The following ABCB11 variants were observed in gnomAD, a reference collection of about 807,000 sequenced individuals.
ABCB11 encodes the protein bile salt export pump.
Under a neutral mutation model 148.0 loss-of-function variants are expected in ABCB11, and 95 were observed. That is an observed-to-expected ratio of 0.64 (90% CI 0.54 to 0.76). ABCB11 has a LOEUF of 0.76. Ranked by LOEUF, ABCB11 falls within the 30% of genes least tolerant of loss-of-function variation. The pLI is 0.00. For missense variants in ABCB11, 1,523 were observed against 1,617.8 expected, an observed-to-expected ratio of 0.94 and a Z score of 1.01; for synonymous variants, 591 against 555.4, an observed-to-expected ratio of 1.06 and a Z score of -0.90.
chr2:168,989,300 T>C (rs1354758505), intron 9 of ABCB11, among the ~76,000 whole-genome samples: 2 of 152,144 alleles, frequency 1.3e-5, no homozygotes, highest in Non-Finnish European at 2.9e-5. Context: ...TTGATATTTG[T>C]GTATAGTGTG....
intron 1 of ABCB11, among the ~76,000 whole-genome samples, chr2:169,028,416 T>C (rs1427229935): frequency 6.6e-6 from 1 of 152,050 alleles, no homozygotes; most frequent in East Asian, 1.9e-4. Flanking sequence ...AGCAAGTGCT[T>C]AGCATGAGAT....
chr2:168,996,143 T>C (rs894692516), intron 6 of ABCB11, among the ~76,000 whole-genome samples: 1 of 152,030 alleles, frequency 6.6e-6, no homozygotes, highest in African/African-American at 2.4e-5. Flanking sequence ...ATATTTTTCT[T>C]TCTTAATAAG....
At chr2:168,998,177 G>C (rs1694772734) in intron 5 of ABCB11, among the ~76,000 whole-genome samples, 1 of 151,990 alleles carries the variant, frequency 6.6e-6, no homozygotes, top group South Asian at 2.1e-4. Flanking sequence ...AGCTTTCTAA[G>C]GTATACATGA....
chr2:168,937,640 T>C (rs533693229), intron 21 of ABCB11, among the ~76,000 whole-genome samples: 2 of 152,362 alleles, frequency 1.3e-5, no homozygotes, highest in East Asian at 1.9e-4. Context: ...TGTTTGAAGA[T>C]ATCCAGCCAT....
rs1033490064 is a variant in ABCB11 at position 168,924,793 on chromosome 2, G to C, written c.3629C>G (p.Thr1210Ser). ...TTGAGACCCCTGGGACCCAACGTTA[G>C]TTTCATATTTCTGAAAAAAAGTATG... ...FVMSLPEKYE[T>S]NVGSQGSQLS... The change falls in exon 27 of 28, where the codon ACT becomes AGT. Residue 1210 changes from threonine (T) to serine (S), a missense_variant. Thr to Ser is a moderately conservative substitution (Grantham distance 58). Transcript: ENST00000650372. 47 of 1,611,102 alleles carry C rather than the reference G, an allele frequency of 2.9e-5. No homozygotes were observed. The highest frequency in any genetic ancestry group is 3.7e-5 in the Non-Finnish European group (44 of 1,178,742).
At chr2:168,995,240 A>G in intron 7 of ABCB11, 109 bp downstream of exon 7, 1 of 1,283,490 alleles carries the variant, frequency 7.8e-7, no homozygotes, top group Non-Finnish European at 1.1e-6. Context: ...AATTTAAGAG[A>G]TGAAACATAG....
intron 21 of ABCB11, among the ~76,000 whole-genome samples, chr2:168,937,891 T>G (rs942359048): frequency 2.6e-5 from 4 of 152,202 alleles, no homozygotes; most frequent in Non-Finnish European, 5.9e-5. Context: ...ATATCTATAC[T>G]AATCAGAGTA....
chr2:168,957,534 T>C (rs148175158), intron 19 of ABCB11, among the ~76,000 whole-genome samples: 415 of 151,798 alleles, frequency 2.7e-3, no homozygotes, highest in African/African-American at 9.6e-3. Context: ...GTGCAATCCG[T>C]GGAGAATTAT....
At chr2:168,984,435 T>G (rs1339641638) in intron 10 of ABCB11, among the ~76,000 whole-genome samples, 3 of 152,184 alleles carry the variant, frequency 2.0e-5, no homozygotes, top group African/African-American at 7.2e-5. Flanking sequence ...AATTACTTAT[T>G]GAATGAATAA....
chr2:168,955,919 A>G (rs1559200466), intron 19 of ABCB11, among the ~76,000 whole-genome samples: 1 of 151,724 alleles, frequency 6.6e-6, no homozygotes, highest in Non-Finnish European at 1.5e-5. Context: ...ATGCAGGTCC[A>G]AAACCCAGCA....
chr2:168,986,396 CACAG>C, intron 9 of ABCB11, 112 bp from the exon 10 acceptor site: 2 of 919,340 alleles, frequency 2.2e-6, no homozygotes, highest in Non-Finnish European at 3.4e-6. Context: ...TCATCGCAAA[CACAG>C]AGCAGCTTCA....
chr2:169,014,326 C>A lies in ABCB11; in HGVS notation c.127G>T (p.Val43Phe), dbSNP rs183406496. The change falls in exon 4 of 28, where the codon GTT (valine) becomes TTT (phenylalanine). Residue 43 changes from valine to phenylalanine, a missense_variant. By Grantham distance (50) the Val-to-Phe change is conservative. Coordinates refer to ENST00000650372, the MANE Select transcript of ABCB11 (RefSeq NM_003742.4). The stretch of plus-strand genomic sequence containing the variant: ...ACCAATTGAAAGAAGCCAACTCTAA[C>A]GCCATCACCTTTCTTCTCATCTTGT... ...RLQDEKKGDG[V>F]RVGFFQLFRF... 3.1e-6 allele frequency: 5 copies of A among 1,613,256 alleles called. No homozygotes were observed. The African/African-American group carries it at 5.3e-5, about 17-fold the overall frequency.
rs773317037 is a variant in ABCB11 at position 168,973,717 on chromosome 2, T to C, written c.1432A>G (p.Met478Val). The C allele has an allele frequency of 3.7e-6, 6 of 1,611,512 alleles. No homozygotes were observed. In the East Asian group the frequency reaches 1.3e-4, roughly 36 times the overall value. The change falls in exon 13 of 28, where the codon ATG becomes GTG. Residue 478 changes from methionine to valine, a missense_variant and splice_region_variant. Physicochemically the swap from Met to Val is conservative, Grantham distance 21 (BLOSUM62 1). Coordinates refer to ENST00000650372, the MANE Select transcript of ABCB11 (RefSeq NM_003742.4). Reference protein sequence around the residue: ...IQRFYDPCEGMVTVDGHDIRS... With the variant: ...IQRFYDPCEGVVTVDGHDIRS... ...AGGAGTTTCTGGAAGACACCCACCA[T>C]TCCTTCACAGGGGTCATAGAATCGC...
At chr2:168,917,504 G>A (rs1690962863), downstream of ABCB11, among the ~76,000 whole-genome samples, 1 of 152,166 alleles carries the variant, frequency 6.6e-6, no homozygotes, top group African/African-American at 2.4e-5. Context: ...AACAATCTTA[G>A]TTATTTCACT....
intron 26 of ABCB11, among the ~76,000 whole-genome samples, chr2:168,926,499 G>A (rs1691319676): frequency 6.6e-6 from 1 of 152,196 alleles, no homozygotes; most frequent in African/African-American, 2.4e-5. Context: ...AAGCTTGGAT[G>A]CAAGCCCAGG....
chr2:168,958,231 T>A, intron 18 of ABCB11, 103 bp from the exon 19 acceptor site: 1 of 1,122,068 alleles, frequency 8.9e-7, no homozygotes, highest in Non-Finnish European at 1.3e-6. Context: ...TTTGATTAGT[T>A]ATGAGTGACC....
intron 1 of ABCB11, among the ~76,000 whole-genome samples, chr2:169,023,350 C>T (rs1248045292): frequency 1.3e-5 from 2 of 152,150 alleles, no homozygotes; most frequent in Admixed American, 6.5e-5. Context: ...TGACTATCCC[C>T]GTTTTCCAGA....
chr2:169,015,072 T>A (rs1012905206), intron 3 of ABCB11, among the ~76,000 whole-genome samples: 1 of 152,166 alleles, frequency 6.6e-6, no homozygotes, highest in Admixed American at 6.6e-5. Flanking sequence ...CAACCTCACT[T>A]GAGCCATGCA....
Position 168,923,609 on chromosome 2 carries a change from T to C in ABCB11, c.*13A>G. ...ACTGGTGCGTCATGTGTGTCTGAGA[T>C]TCTTGCATTGGGTCAACTGATGGGG... On this transcript the variant is annotated 3_prime_UTR_variant, in exon 28 of 28. Coordinates refer to ENST00000650372, the MANE Select transcript of ABCB11 (RefSeq NM_003742.4). 1 of 1,613,578 alleles carries C rather than the reference T, an allele frequency of 6.2e-7. No individual in the cohort carries two copies. Among genetic ancestry groups the C allele is most frequent in the South Asian group, 1.1e-5 (1 of 91,068 alleles).
Sources: allele counts gnomAD v4.1 joint callset (sites outside exome capture counted in the v4.1 genomes callset), GRCh38; gene constraint gnomAD v4.1.1; transcripts MANE v1.5; gene names NCBI Gene and HGNC (gene_info 2026-07-23, HGNC 2026-07-21).